Variants in PARD3B observed in about 807,000 individuals in gnomAD.
PARD3B encodes the protein par-3 family cell polarity regulator beta, also known as partitioning defective 3 homolog B.
In PARD3B, 103 loss-of-function variants were observed where a neutral mutation model predicts 130.2. The ratio of observed to expected loss-of-function variants is 0.79; its 90% CI spans 0.67 to 0.93. The LOEUF (loss-of-function observed/expected upper bound fraction) is 0.93, where lower values mean the gene tolerates loss of function less well. Among genes scored for constraint, PARD3B ranks in the 40% least tolerant of loss-of-function variants. The pLI, the probability that PARD3B is intolerant of heterozygous loss-of-function variation, is 0.00. For synonymous variants in PARD3B, 583 were observed against 553.2 expected (o/e 1.05, Z -0.76); for missense variants, 1,609 against 1,499.2 (o/e 1.07, Z -1.21).
chr2:204,663,452 A>G (rs762805267), intron 1 of PARD3B, among the ~76,000 whole-genome samples: 2 of 152,258 alleles, frequency 1.3e-5, no homozygotes, highest in Non-Finnish European at 2.9e-5. Context: ...TCTGGAACCT[A>G]AACTCATACC....
At chr2:205,217,788 G>A (rs189832115) in intron 15 of PARD3B, among the ~76,000 whole-genome samples, 1 of 145,726 alleles carries the variant, frequency 6.9e-6, no homozygotes, top group Non-Finnish European at 1.5e-5. Context: ...GTATATATAT[G>A]TGTGCATGTA....
At chr2:205,304,354 G>A (rs1312406972) in intron 18 of PARD3B, among the ~76,000 whole-genome samples, 3 of 151,990 alleles carry the variant, frequency 2.0e-5, no homozygotes, top group East Asian at 3.9e-4. Context: ...ACAAAATTTT[G>A]GCCAGGCATA....
chr2:205,232,876 C>G (rs573821385), intron 15 of PARD3B, among the ~76,000 whole-genome samples: 145 of 152,222 alleles, frequency 9.5e-4, no homozygotes, highest in African/African-American at 2.9e-3. Context: ...CAGAATTGAA[C>G]AGTGAATTGT....
At chr2:204,876,104 A>G (rs1463157960) in intron 2 of PARD3B, among the ~76,000 whole-genome samples, 1 of 152,220 alleles carries the variant, frequency 6.6e-6, no homozygotes. Context: ...GAGTTTCGGA[A>G]ACAGAGTGGT....
intron 1 of PARD3B, among the ~76,000 whole-genome samples, chr2:204,667,051 T>C (rs2036056748): frequency 6.6e-6 from 1 of 152,182 alleles, no homozygotes; most frequent in Non-Finnish European, 1.5e-5. Context: ...TATGTCCGGA[T>C]ACCCATCTGG....
At chr2:204,582,657 C>T (rs1443417434) in intron 1 of PARD3B, among the ~76,000 whole-genome samples, 1 of 152,210 alleles carries the variant, frequency 6.6e-6, no homozygotes, top group East Asian at 1.9e-4. Flanking sequence ...ATTTCTCCCA[C>T]TCTGTCCTTT....
chr2:205,342,474 T>G (rs190232417), intron 18 of PARD3B, among the ~76,000 whole-genome samples: 81 of 152,288 alleles, frequency 5.3e-4, no homozygotes, highest in Non-Finnish European at 4.9e-4. Context: ...GTTTTAAAAT[T>G]ACCTTGAATA....
intron 18 of PARD3B, among the ~76,000 whole-genome samples, chr2:205,312,100 G>T (rs1316649878): frequency 6.6e-6 from 1 of 152,164 alleles, no homozygotes; most frequent in African/African-American, 2.4e-5. Flanking sequence ...TCTTTACCTT[G>T]ATCCCATAAC....
At chr2:205,365,775 C>T (rs2044585786) in intron 18 of PARD3B, among the ~76,000 whole-genome samples, 1 of 152,058 alleles carries the variant, frequency 6.6e-6, no homozygotes, top group African/African-American at 2.4e-5. Context: ...TCTTACTTTC[C>T]TTTTATTATT....
At chr2:205,554,141 A>G (rs974344136) in intron 22 of PARD3B, among the ~76,000 whole-genome samples, 1 of 152,228 alleles carries the variant, frequency 6.6e-6, no homozygotes, top group Non-Finnish European at 1.5e-5. Context: ...AGGTGAGAGT[A>G]TGAGAATTAA....
chr2:205,097,732 A>C (rs1269122682), intron 4 of PARD3B, among the ~76,000 whole-genome samples: 1 of 152,180 alleles, frequency 6.6e-6, no homozygotes, highest in East Asian at 1.9e-4. Flanking sequence ...CATAGAAATG[A>C]ATAAAACACA....
At chr2:204,676,922 C>A (rs2036577589) in intron 1 of PARD3B, among the ~76,000 whole-genome samples, 2 of 152,148 alleles carry the variant, frequency 1.3e-5, no homozygotes, top group Admixed American at 1.3e-4. Context: ...CCCACCTCGG[C>A]CTCCCAAAGT....
chr2:205,605,369 GA>G (rs2054947561), intron 22 of PARD3B, among the ~76,000 whole-genome samples: 1 of 152,156 alleles, frequency 6.6e-6, no homozygotes, highest in African/African-American at 2.4e-5. Flanking sequence ...TTCGATCTTT[GA>G]GGCTGCTGGC....
At chr2:205,437,065 C>T (rs547780567) in intron 19 of PARD3B, among the ~76,000 whole-genome samples, 2 of 152,226 alleles carry the variant, frequency 1.3e-5, no homozygotes, top group African/African-American at 4.8e-5. Flanking sequence ...TGACTGTACC[C>T]CTCTAGACTC....
At chr2:205,497,954 A>T (rs752277323) in intron 20 of PARD3B, among the ~76,000 whole-genome samples, 21 of 151,844 alleles carry the variant, frequency 1.4e-4, no homozygotes, top group Non-Finnish European at 2.8e-4. Flanking sequence ...AGGCAGGCAG[A>T]TCACTTGAGG....
At chr2:205,455,440 C>T (rs2048239173) in intron 20 of PARD3B, among the ~76,000 whole-genome samples, 1 of 152,008 alleles carries the variant, frequency 6.6e-6, no homozygotes, top group Non-Finnish European at 1.5e-5. Context: ...GATATGTGAG[C>T]ATTTACACCA....
chr2:205,542,596 G>T (rs996278279), intron 21 of PARD3B, among the ~76,000 whole-genome samples: 5 of 152,180 alleles, frequency 3.3e-5, no homozygotes, highest in South Asian at 4.2e-4. Flanking sequence ...CAGCATGAAT[G>T]GTAGGACAGG....
At position 204,930,789 on chromosome 2, in the gene PARD3B, G is replaced by A. The variant is rs572580135; in HGVS notation, c.223-34363G>A. On this transcript the variant is annotated intron_variant, in intron 2 of 22. Coordinates refer to ENST00000406610, the MANE Select transcript of PARD3B (RefSeq NM_001302769.2). The stretch of plus-strand genomic sequence containing the variant: ...TCTGGTGCTCCTTCTTGCTTGTTCA[G>A]ACAGTTCTTTCTTCACTGGCTGCCT... 9.9e-5 allele frequency among the ~76,000 whole-genome samples: 15 copies of A among 152,156 alleles called. 1 individual carries two copies. The South Asian group carries it at 2.9e-3, about 29-fold the overall frequency.
intron 1 of PARD3B, among the ~76,000 whole-genome samples, chr2:204,548,085 A>G (rs897400477): frequency 1.3e-5 from 2 of 152,116 alleles, no homozygotes; most frequent in Non-Finnish European, 2.9e-5. Context: ...CTCCCCAAGT[A>G]TTCTTCTCCC....
Sources: allele counts gnomAD v4.1 joint callset (sites outside exome capture counted in the v4.1 genomes callset), GRCh38; gene constraint gnomAD v4.1.1; transcripts MANE v1.5; gene names NCBI Gene and HGNC (gene_info 2026-07-23, HGNC 2026-07-21).